The following ICE1 variants were observed in gnomAD, a reference collection of about 807,000 sequenced individuals.
ICE1 encodes the protein little elongation complex subunit 1.
A neutral mutation model predicts 192.7 loss-of-function variants in ICE1; 64 were observed. The observed-to-expected ratio is 0.33, with a 90% confidence interval of 0.27 to 0.41. ICE1 has a LOEUF of 0.41. Ranked by LOEUF, ICE1 falls within the 10% of genes least tolerant of loss-of-function variation. The pLI, the probability that ICE1 is intolerant of heterozygous loss-of-function variation, is 1.00. For synonymous variants in ICE1, 1,010 were observed against 984.5 expected (o/e 1.03, Z -0.49); for missense variants, 2,708 against 2,696.0 (o/e 1.00, Z -0.10).
intron 16 of ICE1, among the ~76,000 whole-genome samples, chr5:5,475,730 G>T (rs1227421954): frequency 2.0e-5 from 3 of 152,162 alleles, no homozygotes; most frequent in African/African-American, 7.2e-5. Flanking sequence ...TCTGTCCAAA[G>T]CCTTGTTCAG....
intron 10 of ICE1, among the ~76,000 whole-genome samples, chr5:5,452,927 G>A (rs146207676): frequency 6.6e-6 from 1 of 152,200 alleles, no homozygotes; most frequent in African/African-American, 2.4e-5. Context: ...CTTGAAGGAG[G>A]TGTTGTCTTC....
In ICE1 at chr5:5,441,162, C is replaced by A. The variant is rs774601711; in HGVS notation, c.248C>A (p.Ser83Tyr). 34 of 1,565,306 alleles carry A rather than the reference C, an allele frequency of 2.2e-5. 1 individual carries two copies. Among genetic ancestry groups the A allele is most frequent in the South Asian group, 2.0e-4 (17 of 84,826 alleles). Residue 83 changes from serine to tyrosine, a missense_variant, in exon 5 of 19, where the codon TCT (serine) becomes TAT (tyrosine). This residue lies in a region of ICE1 where 2,366 missense variants were observed against 2,276.6 expected (regional missense o/e 1.04). Transcript: ENST00000296564. ...GTGGAAGAGATGCTTCAAAAAATTTCTCCTCTACAGAAATGTCAGGAAGAA... is the reference window on the plus strand; with the variant it reads ...GTGGAAGAGATGCTTCAAAAAATTTATCCTCTACAGAAATGTCAGGAAGAA... ...HQVEEMLQKISPLQKCQEELG... is the reference protein window; with the variant it reads ...HQVEEMLQKIYPLQKCQEELG...
chr5:5,432,318 G>A (rs776218138), intron 1 of ICE1, among the ~76,000 whole-genome samples: 3 of 152,112 alleles, frequency 2.0e-5, no homozygotes, highest in Non-Finnish European at 4.4e-5. Flanking sequence ...TTTTCACTTA[G>A]CATAATGTTT....
At chr5:5,476,798 A>G (rs937265565) in intron 17 of ICE1, among the ~76,000 whole-genome samples, 1 of 152,174 alleles carries the variant, frequency 6.6e-6, no homozygotes, top group African/African-American at 2.4e-5. Context: ...TCAACGTGAG[A>G]TTTGGGCGGG....
Position 5,424,441 on chromosome 5 carries a change from A to G in ICE1, c.84+1442A>G, listed in dbSNP as rs1737462832. On this transcript the variant is annotated intron_variant, in intron 1 of 18. Coordinates refer to ENST00000296564, the MANE Select transcript of ICE1 (RefSeq NM_015325.3). The stretch of plus-strand genomic sequence containing the variant: ...TTCTCCCGAATCTTTAATACATTGT[A>G]TTTATTATTCGAGCCAATTCACTCA... 2.7e-5 allele frequency among the ~76,000 whole-genome samples: 4 copies of G among 149,914 alleles called. No homozygotes were observed. In the South Asian group the frequency reaches 8.4e-4, roughly 31 times the overall value.
In ICE1 at chr5:5,457,517, A is replaced by C. The variant is rs1400956722; in HGVS notation, c.877A>C (p.Ser293Arg). 1 of 1,613,964 alleles carries C rather than the reference A, an allele frequency of 6.2e-7. No individual in the cohort carries two copies. The change falls in exon 12 of 19, where the codon AGT becomes CGT. Residue 293 changes from serine (S) to arginine (R), a missense_variant. Transcript: ENST00000296564. ...EKQSSSGTNC[S>R]SDHVFNENGN... is the part of the protein sequence containing the mutation. ...ACAGAGCTCCAGTGGAACAAATTGTAGTTCTGACCATGTTTTTAATGAGAA... is the reference window on the plus strand; with the variant it reads ...ACAGAGCTCCAGTGGAACAAATTGTCGTTCTGACCATGTTTTTAATGAGAA...
At chr5:5,478,552 A>G (rs1388987123) in intron 17 of ICE1, among the ~76,000 whole-genome samples, 2 of 152,224 alleles carry the variant, frequency 1.3e-5, no homozygotes, top group Non-Finnish European at 2.9e-5. Context: ...ATTCAATGCT[A>G]TTTCCATCAA....
chr5:5,472,383 C>G (rs117658509), intron 15 of ICE1, among the ~76,000 whole-genome samples: 1 of 152,290 alleles, frequency 6.6e-6, no homozygotes, highest in East Asian at 1.9e-4. Flanking sequence ...ATAGGAGATT[C>G]TCAGCACTTT....
chr5:5,471,955 A>G (rs1739167304), intron 15 of ICE1, among the ~76,000 whole-genome samples: 1 of 152,146 alleles, frequency 6.6e-6, no homozygotes, highest in African/African-American at 2.4e-5. Flanking sequence ...GCTGAATTTT[A>G]AAGTTGTAAA....
At position 5,468,958 on chromosome 5, in the gene ICE1, C is replaced by T. The variant is rs200439580; in HGVS notation, c.6192C>T (p.Asn2064=). The change falls in exon 15 of 19, where the codon AAC becomes AAT. Residue 2064 remains asparagine, a synonymous_variant. Coordinates refer to ENST00000296564, the MANE Select transcript of ICE1 (RefSeq NM_015325.3). ...AACGTGCTAAAGGAGAGGTTCTGAA[C>T]TGCTTGAGAGCTTTTCTTAATTGGG... ...ARQRAKGEVL[N]CLRAFLNWEK... The T allele has an allele frequency of 1.2e-4, 186 of 1,563,716 alleles. No individual in the cohort carries two copies. The highest frequency in any genetic ancestry group is 1.5e-4 in the Non-Finnish European group (177 of 1,158,518).
At position 5,447,647 on chromosome 5, in the gene ICE1, C is replaced by G. The variant is rs548710763; in HGVS notation, c.508-74C>G. ...AGTCCCAGCTGCCTGTTAAGTTGCA[C>G]CTGTTTTACATTTGGTCTAGAATGG... On this transcript the variant is annotated intron_variant, in intron 8 of 18. Coordinates refer to ENST00000296564, the MANE Select transcript of ICE1 (RefSeq NM_015325.3). 62 of 1,432,524 alleles carry G rather than the reference C, an allele frequency of 4.3e-5. 1 individual carries two copies. The South Asian group carries it at 7.6e-4, about 18-fold the overall frequency. The allele number at this position is 1,432,524 out of a possible 1,614,324, so 88.7% of individuals were successfully genotyped here. A position where few individuals can be genotyped will look rare whatever the true frequency, so the allele number is the denominator to read the frequency against.
chr5:5,444,246 TTCTC>T lies in ICE1; in HGVS notation c.387-39_387-36del, dbSNP rs1179374345. ...AAATTATAAGGCATATTTTTTCCTA[TTCTC>T]TCTTTCTTGCCATTTAACTTACACA... is the stretch of plus-strand genomic sequence containing the variant. On this transcript the variant is annotated intron_variant, in intron 6 of 18. Coordinates refer to ENST00000296564, the MANE Select transcript of ICE1 (RefSeq NM_015325.3). The T allele has an allele frequency of 2.2e-6, 3 of 1,357,994 alleles. No individual in the cohort carries two copies. In the South Asian group the frequency reaches 3.9e-5, roughly 18 times the overall value. The allele number at this position is 1,357,994 out of a possible 1,614,324, so 84.1% of individuals were successfully genotyped here.
intron 18 of ICE1, among the ~76,000 whole-genome samples, chr5:5,487,618 G>C (rs759621352): frequency 6.6e-6 from 1 of 152,162 alleles, no homozygotes; most frequent in Non-Finnish European, 1.5e-5. Context: ...TGCTGAAGTG[G>C]TACACATTTC....
intron 3 of ICE1, among the ~76,000 whole-genome samples, chr5:5,438,709 A>G (rs1432781624): frequency 6.6e-6 from 1 of 152,212 alleles, no homozygotes; most frequent in Non-Finnish European, 1.5e-5. Flanking sequence ...CAGAGAAATA[A>G]TTGTTTTACT....
At chr5:5,441,942 G>T (rs961599938) in intron 5 of ICE1, among the ~76,000 whole-genome samples, 7 of 152,112 alleles carry the variant, frequency 4.6e-5, no homozygotes, top group African/African-American at 7.2e-5. Context: ...CAGGTTAGGG[G>T]TTATTTCTTT....
chr5:5,435,985 T>A (rs1425567252), intron 1 of ICE1, among the ~76,000 whole-genome samples: 1 of 152,150 alleles, frequency 6.6e-6, no homozygotes, highest in African/African-American at 2.4e-5. Context: ...ATATATTTTT[T>A]CACTTAATCT....
chr5:5,462,162 C>A lies in ICE1; in HGVS notation c.2828C>A (p.Ser943Tyr). Residue 943 changes from serine to tyrosine, a missense_variant, in exon 13 of 19, where the codon TCT (serine) becomes TAT (tyrosine). Physicochemically the swap from Ser to Tyr is moderately radical, Grantham distance 144 (BLOSUM62 -2). Coordinates refer to ENST00000296564, the MANE Select transcript of ICE1 (RefSeq NM_015325.3). ...RKLDFNSPGG[S>Y]SPVENSDCST... ...TTAGATTTTAATTCTCCAGGTGGTT[C>A]TTCACCAGTAGAAAATTCTGATTGT... 2 of 1,613,394 alleles carry A rather than the reference C, an allele frequency of 1.2e-6. No homozygotes were observed.
chr5:5,489,129 G>A lies in ICE1; in HGVS notation c.6620-20G>A. On this transcript the variant is annotated intron_variant, in intron 18 of 18. Coordinates refer to ENST00000296564, the MANE Select transcript of ICE1 (RefSeq NM_015325.3). Reference sequence around the variant, plus strand: ...ACAGATATTTTCTTGTTTTATGACTGATCTGAAATTTCTTTTCAGATATAC... The same window carrying A: ...ACAGATATTTTCTTGTTTTATGACTAATCTGAAATTTCTTTTCAGATATAC... 1 of 1,606,790 alleles carries A rather than the reference G, an allele frequency of 6.2e-7. No individual in the cohort carries two copies. The highest frequency in any genetic ancestry group is 2.2e-5 in the East Asian group (1 of 44,710).
At chr5:5,466,706 A>T (rs1317053740) in intron 14 of ICE1, among the ~76,000 whole-genome samples, 1 of 152,224 alleles carries the variant, frequency 6.6e-6, no homozygotes, top group African/African-American at 2.4e-5. Flanking sequence ...CCACTTGTAA[A>T]TAAATGAGTA....
Sources: gnomAD v4.1 joint callset for allele counts (sites outside exome capture counted in the v4.1 genomes callset) on GRCh38, gnomAD v4.1.1 for gene constraint, gnomAD v4.1.1 regional missense constraint, MANE v1.5 for transcripts, NCBI Gene and HGNC (gene_info 2026-07-23, HGNC 2026-07-21) for gene names.